Variants in SEMA3E observed in about 807,000 individuals in gnomAD.
SEMA3E encodes semaphorin-3E.
Under a neutral mutation model 93.6 loss-of-function variants are expected in SEMA3E, and 49 were observed. That is an observed-to-expected ratio of 0.52 (90% CI 0.42 to 0.66). The LOEUF (loss-of-function observed/expected upper bound fraction) is 0.66. SEMA3E is among the 30% of genes least tolerant of loss of function. SEMA3E has a pLI of 0.00. For synonymous variants in SEMA3E, 363 were observed against 330.7 expected (o/e 1.10, Z -1.06); for missense variants, 906 against 964.8 (o/e 0.94, Z 0.81).
At chr7:83,474,069 G>A (rs1422295261) in intron 2 of SEMA3E, among the ~76,000 whole-genome samples, 3 of 147,852 alleles carry the variant, frequency 2.0e-5, no homozygotes, top group Non-Finnish European at 3.0e-5. Context: ...TCCAGCCTGG[G>A]CAACAGAGTG....
In SEMA3E at chr7:83,570,552, CAAAAAAA is replaced by C. The variant is rs59715914; in HGVS notation, c.115+77869_115+77875del. Among the ~76,000 whole-genome samples, 2 of 33,082 alleles carry C rather than the reference CAAAAAAA, an allele frequency of 6.0e-5. 1 individual carries two copies. 21.7% of individuals were successfully genotyped at this position (33,082 alleles called of 152,430 possible). ...TGGGCGACAGAGCGAGACTCCGTCT[CAAAAAAA>C]AAAAAAAAAAAAAGAAGTTAGAAAG... On this transcript the variant is annotated intron_variant, in intron 1 of 16. Transcript: ENST00000643230.
chr7:83,414,431 A>C (rs965964444), intron 5 of SEMA3E, among the ~76,000 whole-genome samples: 1 of 152,090 alleles, frequency 6.6e-6, no homozygotes, highest in Non-Finnish European at 1.5e-5. Flanking sequence ...TTCAATTGAC[A>C]TTGACTTTTA....
chr7:83,387,115 A>G, intron 14 of SEMA3E, 65 bp from the exon 15 acceptor site: 1 of 1,330,344 alleles, frequency 7.5e-7, no homozygotes, highest in Non-Finnish European at 1.1e-6. Context: ...AAATGCAGCC[A>G]ATTGCATTTC....
At chr7:83,499,127 A>C (rs1253445325) in intron 1 of SEMA3E, among the ~76,000 whole-genome samples, 1 of 152,158 alleles carries the variant, frequency 6.6e-6, no homozygotes, top group Non-Finnish European at 1.5e-5. Flanking sequence ...TGTTGTATGG[A>C]TCACCTGCGG....
At chr7:83,517,288 T>C (rs1198780714) in intron 1 of SEMA3E, among the ~76,000 whole-genome samples, 2 of 152,122 alleles carry the variant, frequency 1.3e-5, no homozygotes, top group African/African-American at 4.8e-5. Context: ...AATAACAAAT[T>C]GGCTTTGCAG....
rs534985612 is a variant in SEMA3E, at chr7:83,415,569, AT to A, written c.550+2820del. Among the ~76,000 whole-genome samples, 210 of 152,260 alleles carry A rather than the reference AT, an allele frequency of 1.4e-3. 2 individuals are homozygous for A. Among genetic ancestry groups the A allele is most frequent in the South Asian group, 1.4e-3 (7 of 4,832 alleles). On this transcript the variant is annotated intron_variant, in intron 5 of 16. Transcript: ENST00000643230. ...TATAAATGAAATAAAAATGTGCTTT[AT>A]AACTTGTCTTTCATCTATCAAATAA...
chr7:83,607,691 G>A (rs1280794518), intron 1 of SEMA3E, among the ~76,000 whole-genome samples: 1 of 152,170 alleles, frequency 6.6e-6, no homozygotes, highest in Non-Finnish European at 1.5e-5. Flanking sequence ...TGGAGCTGAA[G>A]TGTAAAGGAT....
At chr7:83,414,503 T>A (rs903192616) in intron 5 of SEMA3E, among the ~76,000 whole-genome samples, 1 of 152,036 alleles carries the variant, frequency 6.6e-6, no homozygotes, top group African/African-American at 2.4e-5. Flanking sequence ...GGATAAAAGC[T>A]CAGTCAGGAA....
At chr7:83,602,591 C>T (rs1793020018) in intron 1 of SEMA3E, among the ~76,000 whole-genome samples, 1 of 152,040 alleles carries the variant, frequency 6.6e-6, no homozygotes, top group Admixed American at 6.6e-5. Flanking sequence ...GATTCTCCTG[C>T]CTCAGCCTCC....
chr7:83,475,603 C>A (rs975243714), intron 2 of SEMA3E, among the ~76,000 whole-genome samples: 6 of 152,168 alleles, frequency 3.9e-5, no homozygotes, highest in Non-Finnish European at 8.8e-5. Flanking sequence ...CCTGCAGGAC[C>A]GGAGGGGCAA....
At chr7:83,594,361 C>G (rs1040670482) in intron 1 of SEMA3E, among the ~76,000 whole-genome samples, 2 of 152,010 alleles carry the variant, frequency 1.3e-5, no homozygotes, top group Non-Finnish European at 2.9e-5. Context: ...TGCAGGTGAT[C>G]AGATTAGGGA....
chr7:83,580,088 C>T (rs1476017294), intron 1 of SEMA3E, among the ~76,000 whole-genome samples: 4 of 151,990 alleles, frequency 2.6e-5, no homozygotes, highest in Non-Finnish European at 4.4e-5. Context: ...AAATAAAAAA[C>T]ATGTACACCG....
chr7:83,429,311 C>T (rs895191501), intron 4 of SEMA3E, among the ~76,000 whole-genome samples: 12 of 152,042 alleles, frequency 7.9e-5, no homozygotes, highest in African/African-American at 2.7e-4. Flanking sequence ...TTTCACTTCC[C>T]TTGTGTATCC....
At chr7:83,433,263 A>ATTTGGAGGTTGTTTC (rs1182895752) in intron 4 of SEMA3E, among the ~76,000 whole-genome samples, 1 of 152,108 alleles carries the variant, frequency 6.6e-6, no homozygotes, top group East Asian at 1.9e-4. Context: ...GTTAAAATGT[A>ATTTGGAGGTTGTTTC]AATGTAATAT....
Position 83,436,205 on chromosome 7 carries a change from C to T in SEMA3E, c.457-17722G>A, listed in dbSNP as rs540874909. On this transcript the variant is annotated intron_variant, in intron 4 of 16. Coordinates refer to ENST00000643230, the MANE Select transcript of SEMA3E (RefSeq NM_012431.3). The stretch of plus-strand genomic sequence containing the variant: ...GTGTGTGTGTACACACACACGCATA[C>T]ATATAAAACGTGTGTTAAAGATATA... 2.6e-5 allele frequency among the ~76,000 whole-genome samples: 4 copies of T among 151,618 alleles called. No homozygotes were observed. The East Asian group carries it at 7.8e-4, about 29-fold the overall frequency.
At chr7:83,641,108 G>A (rs1158610096) in intron 1 of SEMA3E, among the ~76,000 whole-genome samples, 1 of 152,156 alleles carries the variant, frequency 6.6e-6, no homozygotes, top group African/African-American at 2.4e-5. Flanking sequence ...TGAATAGACA[G>A]AAAGCCCCAG....
In SEMA3E at chr7:83,408,456, G is replaced by C; in HGVS notation, c.582C>G (p.Asp194Glu). The change falls in exon 6 of 17, where the codon GAC becomes GAG. Residue 194 changes from aspartate to glutamate, a missense_variant. Transcript: ENST00000643230. ...GSELFAGLYS[D>E]YWSRDAAIFR... is the part of the protein sequence containing the mutation. Reference sequence around the variant, plus strand: ...AGATCGCAGCGTCTCTGCTCCAGTAGTCACTGTAGAGTCCAGCAAACAATT... The same window carrying C: ...AGATCGCAGCGTCTCTGCTCCAGTACTCACTGTAGAGTCCAGCAAACAATT... The C allele has an allele frequency of 6.2e-7, 1 of 1,613,728 alleles. No individual in the cohort carries two copies. The highest frequency in any genetic ancestry group is 8.5e-7 in the Non-Finnish European group (1 of 1,179,800).
chr7:83,450,326 T>C (rs73174505), intron 4 of SEMA3E, among the ~76,000 whole-genome samples: 1,996 of 152,248 alleles, frequency 0.013, 16 homozygotes, highest in Non-Finnish European at 0.02. Context: ...AGAATGCTCA[T>C]AGCAGCACAA....
chr7:83,507,424 CTGTGTGTGTGTGTGTGTGTGTG>C (rs4016317), intron 1 of SEMA3E, among the ~76,000 whole-genome samples: 244 of 125,992 alleles, frequency 1.9e-3, no homozygotes, highest in African/African-American at 6.4e-3. Context: ...AAACAGAACT[CTGTGTGTGTGTGTGTGTGTGTG>C]TGTGTGTGTG....
Sources: allele counts gnomAD v4.1 joint callset (sites outside exome capture counted in the v4.1 genomes callset), GRCh38; gene constraint gnomAD v4.1.1; transcripts MANE v1.5; gene names NCBI Gene and HGNC (gene_info 2026-07-23, HGNC 2026-07-21).